The following TACC2 variants were observed in gnomAD, a reference collection of about 807,000 sequenced individuals.
The protein encoded by TACC2 is transforming acidic coiled-coil-containing protein 2.
Under a neutral mutation model 227.3 loss-of-function variants are expected in TACC2, and 137 were observed. The observed-to-expected ratio is 0.60, with a 90% CI of 0.52 to 0.69. TACC2 has a LOEUF of 0.69. Ranked by LOEUF, TACC2 falls within the 30% of genes least tolerant of loss-of-function variation. The pLI, the probability that TACC2 is intolerant of heterozygous loss-of-function variation, is 0.00. For synonymous variants in TACC2, 1,523 were observed against 1,487.5 expected (o/e 1.02, Z -0.55); for missense variants, 3,470 against 3,694.4 (o/e 0.94, Z 1.57).
chr10:122,080,818 G>C (rs1012519073), intron 3 of TACC2, among the ~76,000 whole-genome samples: 13 of 152,216 alleles, frequency 8.5e-5, no homozygotes, highest in African/African-American at 3.1e-4. Flanking sequence ...CGGACATTGA[G>C]AGGAGAATCT....
At chr10:122,207,424 G>T (rs1049098136) in intron 8 of TACC2, among the ~76,000 whole-genome samples, 4 of 152,178 alleles carry the variant, frequency 2.6e-5, no homozygotes, top group African/African-American at 9.6e-5. Context: ...TAAGACAGCC[G>T]TTCCCAACCA....
At chr10:122,009,545 C>G (rs1053623220) in intron 1 of TACC2, among the ~76,000 whole-genome samples, 1 of 152,024 alleles carries the variant, frequency 6.6e-6, no homozygotes, top group Non-Finnish European at 1.5e-5. Context: ...AGGTGTTCTT[C>G]TGTTCTTGCT....
chr10:122,241,616 C>G (rs1364767120), intron 18 of TACC2: 3 of 350,180 alleles, frequency 8.6e-6, no homozygotes, highest in Non-Finnish European at 1.6e-5. Flanking sequence ...TTTGTATAGG[C>G]AGGATCTGGC....
intron 2 of TACC2, among the ~76,000 whole-genome samples, chr10:122,044,321 A>T (rs975057264): frequency 3.9e-5 from 6 of 152,190 alleles, no homozygotes; most frequent in Admixed American, 3.9e-4. Context: ...ACCCCCTTGG[A>T]GGGGAAGAAA....
intron 2 of TACC2, among the ~76,000 whole-genome samples, chr10:122,042,990 T>A (rs1033163452): frequency 1.3e-5 from 2 of 152,190 alleles, no homozygotes; most frequent in African/African-American, 2.4e-5. Context: ...CTCTCCCTTT[T>A]ATTTGTACAG....
At position 122,211,349 on chromosome 10, in the gene TACC2, C is replaced by T. The variant is rs116727041; in HGVS notation, c.6924C>T (p.Pro2308=). 115 of 1,613,866 alleles carry T rather than the reference C, an allele frequency of 7.1e-5. No individual in the cohort carries two copies. In the East Asian group the frequency reaches 2.0e-3, roughly 28 times the overall value. ...GGAGGCCAAAGATGAAAAAGACACC[C>T]GAGAAACTTGACAACACTCCTGCCT... is the stretch of plus-strand genomic sequence containing the variant. ...PLRRPKMKKT[P]EKLDNTPASP... is the part of the protein sequence containing the mutation. Residue 2308 remains proline (P), a synonymous_variant, in exon 9 of 23, where the codon CCC becomes CCT. Transcript: ENST00000369005.
At position 122,085,268 on chromosome 10, in the gene TACC2, G is replaced by A. The variant is rs2079971522; in HGVS notation, c.2768G>A (p.Trp923Ter). The A allele has an allele frequency of 6.2e-7, 1 of 1,613,946 alleles. No individual in the cohort carries two copies. Among genetic ancestry groups the A allele is most frequent in the Admixed American group, 1.7e-5 (1 of 59,996 alleles). The change falls in exon 4 of 23, where the codon TGG (tryptophan) becomes TAG (stop). Residue 923 changes from tryptophan (W) to a stop codon, truncating the protein, a stop_gained. Transcript: ENST00000369005. LOFTEE classifies it high-confidence loss of function. ...ACTTCATCTCCCACTGACATGGTTT[G>A]GGAGAGTTCTCTGACAGAAGAGTCA... is the stretch of plus-strand genomic sequence containing the variant. ...TPTSSPTDMV[W>*]ESSLTEESEL...
At chr10:122,029,276 A>C (rs962547190) in intron 2 of TACC2, among the ~76,000 whole-genome samples, 10 of 151,946 alleles carry the variant, frequency 6.6e-5, no homozygotes, top group Non-Finnish European at 1.5e-4. Context: ...CCGTCTCTGC[A>C]TCAATCGATG....
chr10:122,071,847 A>C (rs960751447), intron 3 of TACC2, among the ~76,000 whole-genome samples: 1 of 146,638 alleles, frequency 6.8e-6, no homozygotes, highest in Non-Finnish European at 1.5e-5. Context: ...AGATTGCGCC[A>C]CTGCACTCCA....
intron 3 of TACC2, among the ~76,000 whole-genome samples, chr10:122,076,138 G>T (rs953817868): frequency 6.6e-6 from 1 of 152,044 alleles, no homozygotes; most frequent in Non-Finnish European, 1.5e-5. Flanking sequence ...AAGTCCAAGG[G>T]CAAGGGGCTG....
chr10:122,094,536 C>T (rs530300740), intron 5 of TACC2, among the ~76,000 whole-genome samples: 1 of 152,306 alleles, frequency 6.6e-6, no homozygotes, highest in Non-Finnish European at 1.5e-5. Flanking sequence ...ACCTTGGCCT[C>T]CTAAAGCACT....
intron 7 of TACC2, among the ~76,000 whole-genome samples, chr10:122,175,126 G>A (rs543078595): frequency 4.6e-5 from 7 of 152,102 alleles, no homozygotes; most frequent in South Asian, 2.1e-4. Context: ...GCTAATTTTT[G>A]TATTTTTTAT....
At chr10:122,035,103 G>A (rs898858841) in intron 2 of TACC2, among the ~76,000 whole-genome samples, 1 of 152,146 alleles carries the variant, frequency 6.6e-6, no homozygotes, top group African/African-American at 2.4e-5. Flanking sequence ...CCTAGTCCAG[G>A]CTCCTACGGG....
chr10:122,015,779 G>GA (rs1420327871), intron 1 of TACC2, among the ~76,000 whole-genome samples: 1 of 125,072 alleles, frequency 8.0e-6, no homozygotes, highest in Non-Finnish European at 1.8e-5. Flanking sequence ...TTGAACCCGG[G>GA]AGGGGGAGGT....
chr10:122,108,437 A>G (rs1422182346), intron 5 of TACC2, among the ~76,000 whole-genome samples: 1 of 88,624 alleles, frequency 1.1e-5, no homozygotes, highest in Non-Finnish European at 2.3e-5. Flanking sequence ...TGTATGTCAT[A>G]TTTTCTTTTT....
At chr10:122,169,785 C>G (rs2093376399) in intron 7 of TACC2, among the ~76,000 whole-genome samples, 1 of 152,208 alleles carries the variant, frequency 6.6e-6, no homozygotes, top group Non-Finnish European at 1.5e-5. Flanking sequence ...GGGTCTCGCT[C>G]TGTCACCCAG....
At chr10:122,226,164 C>T (rs935989390) in intron 12 of TACC2, among the ~76,000 whole-genome samples, 4 of 152,234 alleles carry the variant, frequency 2.6e-5, no homozygotes, top group African/African-American at 9.6e-5. Context: ...TGTACTTTCT[C>T]TGCATCCTCC....
intron 3 of TACC2, among the ~76,000 whole-genome samples, chr10:122,078,527 TGGA>T (rs1386649872): frequency 6.6e-6 from 1 of 152,196 alleles, no homozygotes; most frequent in Non-Finnish European, 1.5e-5. Flanking sequence ...TGGTCTGTGA[TGGA>T]GGCTCTAGTC....
rs1435583651 is a variant in TACC2 at position 122,250,784 on chromosome 10, T to TC, written c.8781+1121dup. On this transcript the variant is annotated intron_variant, in intron 22 of 22. Coordinates refer to ENST00000369005, the MANE Select transcript of TACC2 (RefSeq NM_206862.4). ...TAGCCCTGAAAATTAGAAGCCTGTA[T>TC]CGTTGGGCAGATGGATTTCCCTGAG... Among the ~76,000 whole-genome samples the TC allele has an allele frequency of 3.9e-5, 6 of 152,278 alleles. No individual in the cohort carries two copies. In the East Asian group the frequency reaches 9.7e-4, roughly 25 times the overall value.
Sources: gnomAD v4.1 joint callset for allele counts (sites outside exome capture counted in the v4.1 genomes callset) on GRCh38, gnomAD v4.1.1 for gene constraint, MANE v1.5 for transcripts, NCBI Gene and HGNC (gene_info 2026-07-23, HGNC 2026-07-21) for gene names.